Variants in AFAP1 observed in about 807,000 individuals in gnomAD.
AFAP1 encodes the protein actin filament-associated protein 1.
A neutral mutation model predicts 93.9 loss-of-function variants in AFAP1; 75 were observed. The observed-to-expected ratio is 0.80, with a 90% CI of 0.66 to 0.97. The LOEUF (loss-of-function observed/expected upper bound fraction) is 0.97, where lower values mean the gene tolerates loss of function less well. Among genes scored for constraint, AFAP1 ranks in the 50% least tolerant of loss-of-function variants. The pLI, the probability that AFAP1 is intolerant of heterozygous loss-of-function variation, is 0.00. For missense variants in AFAP1, 1,201 were observed against 1,050.8 expected (o/e 1.14, Z -1.98); for synonymous variants, 517 against 430.7 (o/e 1.20, Z -2.48).
intron 8 of AFAP1, among the ~76,000 whole-genome samples, chr4:7,810,702 T>C (rs1386778542): frequency 6.6e-6 from 1 of 152,234 alleles, no homozygotes; most frequent in Non-Finnish European, 1.5e-5. Context: ...GATGCCTGGC[T>C]TCCTTTGAAA....
At chr4:7,878,618 G>A (rs977282265) in intron 1 of AFAP1, among the ~76,000 whole-genome samples, 5 of 152,154 alleles carry the variant, frequency 3.3e-5, no homozygotes, top group Non-Finnish European at 7.3e-5. Context: ...GCTCCTTACC[G>A]ATGTTTAATA....
At chr4:7,771,882 TGGA>T (rs1260025923) in intron 16 of AFAP1, among the ~76,000 whole-genome samples, 2 of 151,766 alleles carry the variant, frequency 1.3e-5, no homozygotes, top group African/African-American at 4.8e-5. Context: ...GGGAGAGGCT[TGGA>T]GGAGAAGGGG....
chr4:7,763,722 A>AG lies in AFAP1; in HGVS notation c.*42dup. On this transcript the variant is annotated 3_prime_UTR_variant, in exon 18 of 18. Transcript: ENST00000420658. Reference sequence around the variant, plus strand: ...CGTCACACAGATGAGGATACAGGCAAGGGGGTGTGCAGTCTCTGAGGCTGG... The same window carrying AG: ...CGTCACACAGATGAGGATACAGGCAAGGGGGGTGTGCAGTCTCTGAGGCTGG... The AG allele has an allele frequency of 6.4e-7, 1 of 1,551,178 alleles. No homozygotes were observed. Among genetic ancestry groups the AG allele is most frequent in the South Asian group, 1.2e-5 (1 of 84,030 alleles).
chr4:7,776,101 C>T (rs934822296), intron 14 of AFAP1: 8 of 152,208 alleles, frequency 5.3e-5, no homozygotes, highest in Non-Finnish European at 8.8e-5. Flanking sequence ...TCAAAGCTTC[C>T]GTGGTCTCCC....
chr4:7,776,384 G>C (rs1448180775), intron 14 of AFAP1: 1 of 151,842 alleles, frequency 6.6e-6, no homozygotes, highest in Non-Finnish European at 1.5e-5. Context: ...CTGTGTGTGT[G>C]TATGTGTGTG....
intron 10 of AFAP1, among the ~76,000 whole-genome samples, chr4:7,799,551 T>G (rs1718823055): frequency 6.6e-6 from 1 of 152,180 alleles, no homozygotes; most frequent in African/African-American, 2.4e-5. Flanking sequence ...ACGCCTCACA[T>G]GAACTGGTTT....
intron 6 of AFAP1, among the ~76,000 whole-genome samples, chr4:7,832,780 CA>C (rs1412830384): frequency 6.6e-6 from 1 of 151,794 alleles, no homozygotes; most frequent in Admixed American, 6.6e-5. Flanking sequence ...CCATAGTCAT[CA>C]AAACAAAACA....
chr4:7,847,795 G>GGGC (rs1553845908), intron 4 of AFAP1, among the ~76,000 whole-genome samples: 3 of 80,374 alleles, frequency 3.7e-5, no homozygotes, highest in Non-Finnish European at 1.2e-4. Context: ...GGGGTACTCG[G>GGGC]GGTGGGGCAT....
chr4:7,863,634 G>A (rs1716008558), intron 3 of AFAP1, among the ~76,000 whole-genome samples: 1 of 152,092 alleles, frequency 6.6e-6, no homozygotes, highest in African/African-American at 2.4e-5. Flanking sequence ...CTACTCTCCT[G>A]CAAGCACTTC....
Position 7,769,091 on chromosome 4 carries a change from G to C in AFAP1, c.2254-83C>G, listed in dbSNP as rs1715038595. On this transcript the variant is annotated intron_variant, in intron 16 of 17. Coordinates refer to ENST00000420658, the MANE Select transcript of AFAP1 (RefSeq NM_001134647.2). ...CAGCAGGAAAATGATTTATTTCAAG[G>C]AAGAAATAAGTTTTGGAAATGGGCA... 2.7e-6 allele frequency: 4 copies of C among 1,474,598 alleles called. No homozygotes were observed. The East Asian group carries it at 7.3e-5, about 27-fold the overall frequency. The allele number at this position is 1,474,598 out of a possible 1,614,324, so 91.3% of individuals were successfully genotyped here.
intron 8 of AFAP1, among the ~76,000 whole-genome samples, chr4:7,810,589 C>A (rs528699608): frequency 6.6e-5 from 10 of 152,222 alleles, no homozygotes; most frequent in Non-Finnish European, 1.2e-4. Context: ...GCTCTCAGAC[C>A]AGGGGCCTGC....
At chr4:7,786,619 TCTCA>T (rs61007486) in intron 11 of AFAP1, among the ~76,000 whole-genome samples, 16,320 of 149,592 alleles carry the variant, frequency 0.11, 1,358 homozygotes, top group East Asian at 0.47. Flanking sequence ...ATCATCCGTC[TCTCA>T]CTGTGGCCCC....
At chr4:7,864,164 C>CACCTTCCCAACTTCCCATCACAACCCATT (rs1314891559) in intron 3 of AFAP1, among the ~76,000 whole-genome samples, 20 of 152,028 alleles carry the variant, frequency 1.3e-4, no homozygotes, top group East Asian at 3.9e-4. Flanking sequence ...CTCATCACAA[C>CACCTTCCCAACTTCCCATCACAACCCATT]CCACAGGTCC....
At position 7,759,331 on chromosome 4, in the gene AFAP1, C is replaced by G. The variant is rs556778443; in HGVS notation, c.*4434G>C. On this transcript the variant is annotated 3_prime_UTR_variant, in exon 18 of 18. Transcript: ENST00000420658. ...TTGAGATTTTCTGGAAGACCAAAGC[C>G]GGAACTATTTCATGAACTACGGGCG... The G allele has an allele frequency of 6.6e-6, 1 of 152,596 alleles. No homozygotes were observed. The highest frequency in any genetic ancestry group is 1.5e-5 in the Non-Finnish European group (1 of 68,048). 9.5% of individuals were successfully genotyped at this position (152,596 alleles called of 1,614,324 possible). A position where few individuals can be genotyped will look rare whatever the true frequency, so the allele number is the denominator to read the frequency against.
chr4:7,764,735 C>T (rs927309562), intron 17 of AFAP1, among the ~76,000 whole-genome samples: 2 of 152,358 alleles, frequency 1.3e-5, no homozygotes, highest in Admixed American at 6.5e-5. Context: ...TGGGCAGGCA[C>T]TGTGCCATGC....
intron 9 of AFAP1, among the ~76,000 whole-genome samples, chr4:7,801,484 C>A (rs1308573128): frequency 6.6e-6 from 1 of 151,472 alleles, no homozygotes; most frequent in Non-Finnish European, 1.5e-5. Context: ...TCACTTGTTA[C>A]AAACATAAAA....
At chr4:7,880,420 T>C (rs1254724425) in intron 1 of AFAP1, among the ~76,000 whole-genome samples, 1 of 151,946 alleles carries the variant, frequency 6.6e-6, no homozygotes, top group Admixed American at 6.6e-5. Flanking sequence ...GCTGGTATTA[T>C]AGGCACCCAC....
intron 1 of AFAP1, among the ~76,000 whole-genome samples, chr4:7,900,412 G>A (rs1719052650): frequency 9.9e-6 from 1 of 101,358 alleles, no homozygotes; most frequent in Admixed American, 9.4e-5. Flanking sequence ...ACAGCCTGAA[G>A]TTGTATGCTA....
chr4:7,823,609 A>G (rs1721166044), intron 6 of AFAP1, among the ~76,000 whole-genome samples: 1 of 152,164 alleles, frequency 6.6e-6, no homozygotes, highest in Non-Finnish European at 1.5e-5. Flanking sequence ...TTTCTAGCAG[A>G]CAGACGACGC....
Sources: gnomAD v4.1 joint callset for allele counts (sites outside exome capture counted in the v4.1 genomes callset) on GRCh38, gnomAD v4.1.1 for gene constraint, MANE v1.5 for transcripts, NCBI Gene and HGNC (gene_info 2026-07-23, HGNC 2026-07-21) for gene names.